The following TNR variants were observed in gnomAD, a reference collection of about 807,000 sequenced individuals.
TNR encodes the protein tenascin-R.
TNR carries 45 observed loss-of-function variants against 150.4 expected under a neutral mutation model. The observed-to-expected ratio is 0.30, with a 90% CI of 0.24 to 0.38. TNR has a LOEUF of 0.38. Ranked by LOEUF, TNR falls within the 10% of genes least tolerant of loss-of-function variation. The pLI is 1.00. For missense variants in TNR, 1,544 were observed against 1,759.1 expected (o/e 0.88, Z 2.19); for synonymous variants, 687 against 678.4 (o/e 1.01, Z -0.20).
At chr1:175,643,502 G>A (rs993701645) in intron 1 of TNR, among the ~76,000 whole-genome samples, 1 of 152,156 alleles carries the variant, frequency 6.6e-6, no homozygotes, top group Non-Finnish European at 1.5e-5. Context: ...ACGGTGCTTT[G>A]TTGGACAATG....
chr1:175,459,871 A>AAG (rs3030939), intron 2 of TNR, among the ~76,000 whole-genome samples: 61 of 150,838 alleles, frequency 4.0e-4, no homozygotes, highest in African/African-American at 1.2e-3. Flanking sequence ...ATGAAAGAAC[A>AAG]AGAGAGAGAG....
At chr1:175,504,366 G>T (rs751920472) in intron 2 of TNR, among the ~76,000 whole-genome samples, 1 of 152,058 alleles carries the variant, frequency 6.6e-6, no homozygotes, top group Non-Finnish European at 1.5e-5. Flanking sequence ...GCTTCAAGAG[G>T]TTGGATAACT....
At chr1:175,422,384 A>G (rs1654789575) in intron 2 of TNR, among the ~76,000 whole-genome samples, 1 of 152,188 alleles carries the variant, frequency 6.6e-6, no homozygotes, top group South Asian at 2.1e-4. Flanking sequence ...CTTTCAATAC[A>G]TATACACACA....
chr1:175,430,192 A>C (rs766991234), intron 2 of TNR, among the ~76,000 whole-genome samples: 3 of 152,132 alleles, frequency 2.0e-5, no homozygotes, highest in Non-Finnish European at 4.4e-5. Context: ...AACAAATTCT[A>C]TTGCACCAAC....
At chr1:175,449,323 T>TACAA (rs1447961922) in intron 2 of TNR, among the ~76,000 whole-genome samples, 2 of 151,370 alleles carry the variant, frequency 1.3e-5, no homozygotes, top group Admixed American at 1.3e-4. Flanking sequence ...TGCATGCACA[T>TACAA]ACAAACAAAC....
At chr1:175,400,987 G>T (rs926065180) in intron 4 of TNR, among the ~76,000 whole-genome samples, 2 of 152,196 alleles carry the variant, frequency 1.3e-5, no homozygotes, top group African/African-American at 4.8e-5. Context: ...AACAGATGGA[G>T]ATTATGCAAC....
intron 18 of TNR, among the ~76,000 whole-genome samples, chr1:175,353,423 T>C (rs1162426412): frequency 6.6e-6 from 1 of 152,208 alleles, no homozygotes; most frequent in East Asian, 1.9e-4. Context: ...GTTATAGAGA[T>C]TAGGAATTTT....
At chr1:175,485,218 A>C (rs958670687) in intron 2 of TNR, among the ~76,000 whole-genome samples, 12 of 152,296 alleles carry the variant, frequency 7.9e-5, no homozygotes, top group Admixed American at 3.9e-4. Flanking sequence ...CCAACCAAAA[A>C]ATCTCTGATG....
At chr1:175,490,527 G>T (rs1013716295) in intron 2 of TNR, among the ~76,000 whole-genome samples, 24 of 152,008 alleles carry the variant, frequency 1.6e-4, no homozygotes, top group Admixed American at 1.5e-3. Flanking sequence ...AAATTTACAA[G>T]AAAAAACCAA....
intron 1 of TNR, among the ~76,000 whole-genome samples, chr1:175,738,009 C>T (rs1667822142): frequency 6.6e-6 from 1 of 152,184 alleles, no homozygotes; most frequent in Non-Finnish European, 1.5e-5. Context: ...AGCATCCATG[C>T]TCACTTAAAC....
intron 1 of TNR, among the ~76,000 whole-genome samples, chr1:175,690,602 G>A (rs984163403): frequency 2.6e-5 from 4 of 152,228 alleles, no homozygotes; most frequent in South Asian, 2.1e-4. Flanking sequence ...GAGAGGTGGT[G>A]AGGCAGGTGC....
chr1:175,663,732 T>A (rs888907238), intron 1 of TNR, among the ~76,000 whole-genome samples: 5 of 152,156 alleles, frequency 3.3e-5, no homozygotes, highest in Non-Finnish European at 7.3e-5. Context: ...GACAGTGTGT[T>A]TAGAAGAGAA....
intron 2 of TNR, among the ~76,000 whole-genome samples, chr1:175,425,291 T>C (rs530575895): frequency 3.9e-5 from 6 of 152,186 alleles, no homozygotes; most frequent in Non-Finnish European, 8.8e-5. Context: ...GCAAGCAATG[T>C]ATTTTCTCTG....
At chr1:175,348,745 C>G (rs1650915289) in intron 18 of TNR, among the ~76,000 whole-genome samples, 1 of 152,034 alleles carries the variant, frequency 6.6e-6, no homozygotes, top group African/African-American at 2.4e-5. Context: ...AAACTGTATC[C>G]TCAACTAATA....
chr1:175,509,667 C>T (rs956129711), intron 2 of TNR, among the ~76,000 whole-genome samples: 1 of 152,162 alleles, frequency 6.6e-6, no homozygotes, highest in East Asian at 1.9e-4. Flanking sequence ...CCAGTCAACT[C>T]AATAATAACT....
chr1:175,359,778 T>C, intron 14 of TNR, 47 bp from the exon 15 acceptor site: 2 of 1,564,118 alleles, frequency 1.3e-6, no homozygotes, highest in Non-Finnish European at 1.7e-6. Flanking sequence ...AGCTGCAGGA[T>C]AGAAATGCAG....
intron 18 of TNR, among the ~76,000 whole-genome samples, chr1:175,353,601 G>A (rs1651167006): frequency 6.6e-6 from 1 of 152,168 alleles, no homozygotes; most frequent in Admixed American, 6.5e-5. Flanking sequence ...ATCACCTGTG[G>A]AATGGGGATC....
Position 175,403,598 on chromosome 1 carries a change from G to A in TNR, c.518C>T (p.Pro173Leu). The change falls in exon 4 of 23, where the codon CCT (proline) becomes CTT (leucine). Residue 173 changes from proline (P) to leucine (L), a missense_variant. Transcript: ENST00000367674. Reference protein sequence around the residue: ...SAATGQLDYIPHCSGHGNFSF... With the variant: ...SAATGQLDYILHCSGHGNFSF... Reference sequence around the variant, plus strand: ...AAAGTTGCCGTGGCCACTGCAGTGAGGGATATAGTCCAGTTGTCCTGGAAT... The same window carrying A: ...AAAGTTGCCGTGGCCACTGCAGTGAAGGATATAGTCCAGTTGTCCTGGAAT... 1 of 1,613,446 alleles carries A rather than the reference G, an allele frequency of 6.2e-7. No individual in the cohort carries two copies. Among genetic ancestry groups the A allele is most frequent in the Non-Finnish European group, 8.5e-7 (1 of 1,179,664 alleles).
At chr1:175,423,400 G>A (rs1038943872) in intron 2 of TNR, among the ~76,000 whole-genome samples, 1 of 152,134 alleles carries the variant, frequency 6.6e-6, no homozygotes, top group African/African-American at 2.4e-5. Context: ...GTGACTCTGA[G>A]TGACAAATCC....
Sources: gnomAD v4.1 joint callset for allele counts (sites outside exome capture counted in the v4.1 genomes callset) on GRCh38, gnomAD v4.1.1 for gene constraint, MANE v1.5 for transcripts, NCBI Gene and HGNC (gene_info 2026-07-23, HGNC 2026-07-21) for gene names.